FRMD4B: variants seen among roughly 807,000 people sequenced by gnomAD.
FRMD4B encodes FERM domain containing 4B, also known as FERM domain-containing protein 4B.
A neutral mutation model predicts 141.5 loss-of-function variants in FRMD4B; 74 were observed. That is an observed-to-expected ratio of 0.52 (90% CI 0.43 to 0.63). The LOEUF is 0.63. Among genes scored for constraint, FRMD4B ranks in the 30% least tolerant of loss-of-function variants. The probability of loss-of-function intolerance (pLI) is 0.00; values close to 1 mark genes in which losing one functional copy is unlikely to be tolerated. For missense variants in FRMD4B, 1,366 were observed against 1,253.4 expected (o/e 1.09, Z -1.36); for synonymous variants, 506 against 467.9 (o/e 1.08, Z -1.05).
At chr3:69,375,982 C>A (rs989939804) in intron 1 of FRMD4B, among the ~76,000 whole-genome samples, 13 of 152,130 alleles carry the variant, frequency 8.5e-5, no homozygotes, top group African/African-American at 3.1e-4. Flanking sequence ...TATATTCATG[C>A]AATGGGATAT....
intron 1 of FRMD4B, among the ~76,000 whole-genome samples, chr3:69,358,973 G>T (rs762443967): frequency 3.9e-5 from 6 of 152,102 alleles, no homozygotes; most frequent in Non-Finnish European, 5.9e-5. Context: ...CCAGCCTCCA[G>T]AACCATGAGC....
In FRMD4B at chr3:69,352,751, A is replaced by G. The variant is rs558546907; in HGVS notation, c.162+33077T>C. 4.6e-5 allele frequency among the ~76,000 whole-genome samples: 7 copies of G among 152,322 alleles called. No homozygotes were observed. In the South Asian group the frequency reaches 1.4e-3, roughly 32 times the overall value. On this transcript the variant is annotated intron_variant, in intron 1 of 22. Transcript: ENST00000398540. ...ATTGGAAGCCGTCCCCAAAAATGGC[A>G]TTTCCGAGGTTTCTATCTTGAACTG... is the stretch of plus-strand genomic sequence containing the variant.
chr3:69,494,337 A>G (rs1236022961), intron 1 of FRMD4B, among the ~76,000 whole-genome samples: 2 of 152,250 alleles, frequency 1.3e-5, no homozygotes, highest in African/African-American at 4.8e-5. Context: ...CTCTGCAAGG[A>G]AATTCAGTAA....
intron 1 of FRMD4B, among the ~76,000 whole-genome samples, chr3:69,456,254 G>GA (rs916529674): frequency 6.6e-5 from 10 of 151,668 alleles, no homozygotes; most frequent in African/African-American, 1.2e-4. Context: ...CACAAAGTAA[G>GA]AAAAAAAACG....
chr3:69,345,288 T>A lies in FRMD4B; in HGVS notation c.163-31771A>T, dbSNP rs6769290. 1.8e-3 allele frequency among the ~76,000 whole-genome samples: 272 copies of A among 152,298 alleles called. 2 individuals carry two copies. Among genetic ancestry groups the A allele is most frequent in the African/African-American group, 6.1e-3 (255 of 41,566 alleles). ...CTGCAAGGAGGCAGTGAGGCTGGGG[T>A]AGGGGTACCCGCCATTGCTGAGGCT... On this transcript the variant is annotated intron_variant, in intron 1 of 22. Transcript: ENST00000398540.
intron 7 of FRMD4B, among the ~76,000 whole-genome samples, chr3:69,240,989 A>G (rs572636041): frequency 6.6e-6 from 1 of 152,330 alleles, no homozygotes; most frequent in South Asian, 2.1e-4. Flanking sequence ...GAGGCCAAGT[A>G]TGCTGAGTTT....
In FRMD4B at chr3:69,428,698, CA is replaced by C. The variant is rs944794046; in HGVS notation, c.-1+3935del. On this transcript the variant is annotated intron_variant, in intron 2 of 5. Coordinates refer to the FRMD4B transcript ENST00000459638. ...AAACACTGTGGTAAAGTAGATAAAA[CA>C]AAAATTCATCATTTAAACCATTTTT... is the stretch of plus-strand genomic sequence containing the variant. 2.0e-5 allele frequency among the ~76,000 whole-genome samples: 3 copies of C among 151,978 alleles called. No individual in the cohort carries two copies. The South Asian group carries it at 6.2e-4, about 32-fold the overall frequency.
At chr3:69,456,733 TAAAAA>T (rs60484143) in intron 1 of FRMD4B, among the ~76,000 whole-genome samples, 5 of 129,156 alleles carry the variant, frequency 3.9e-5, no homozygotes, top group Admixed American at 7.9e-5. Context: ...TCCATTTTTG[TAAAAA>T]AAAAAAAAAA....
At chr3:69,241,903 AC>A (rs1463288643) in intron 7 of FRMD4B, among the ~76,000 whole-genome samples, 2 of 151,558 alleles carry the variant, frequency 1.3e-5, no homozygotes, top group African/African-American at 4.9e-5. Context: ...AAACAAAAAA[AC>A]CCCCAAAAAA....
chr3:69,268,950 T>C (rs1171614019), intron 5 of FRMD4B, among the ~76,000 whole-genome samples: 1 of 149,896 alleles, frequency 6.7e-6, no homozygotes, highest in Non-Finnish European at 1.5e-5. Context: ...TTTTTTGAGA[T>C]GAAATTTCGC....
intron 7 of FRMD4B, among the ~76,000 whole-genome samples, chr3:69,244,701 C>CTGGACAACAT (rs2093411031): frequency 6.6e-6 from 1 of 152,006 alleles, no homozygotes; most frequent in African/African-American, 2.4e-5. Context: ...TGAGACCAGC[C>CTGGACAACAT]TGGACAACAT....
chr3:69,349,009 T>C (rs1703043096), intron 1 of FRMD4B, among the ~76,000 whole-genome samples: 1 of 152,108 alleles, frequency 6.6e-6, no homozygotes, highest in South Asian at 2.1e-4. Context: ...AAGGTATTCA[T>C]TTAGGAAAAG....
At chr3:69,234,807 T>G (rs896505604) in intron 7 of FRMD4B, among the ~76,000 whole-genome samples, 1 of 152,172 alleles carries the variant, frequency 6.6e-6, no homozygotes, top group Non-Finnish European at 1.5e-5. Flanking sequence ...GCAATCTGCT[T>G]TTAACTAAGG....
intron 2 of FRMD4B, among the ~76,000 whole-genome samples, chr3:69,414,188 A>G (rs1446442970): frequency 6.6e-6 from 1 of 152,174 alleles, no homozygotes; most frequent in Admixed American, 6.5e-5. Context: ...CTGCCTGAAT[A>G]AAATCATAAG....
intron 2 of FRMD4B, among the ~76,000 whole-genome samples, chr3:69,404,414 T>C (rs1421131517): frequency 2.6e-5 from 4 of 152,220 alleles, no homozygotes; most frequent in African/African-American, 7.2e-5. Context: ...TGAGATGTGA[T>C]TATTAGAGTT....
chr3:69,398,812 G>T (rs1362602147), intron 2 of FRMD4B, among the ~76,000 whole-genome samples: 1 of 152,140 alleles, frequency 6.6e-6, no homozygotes, highest in Non-Finnish European at 1.5e-5. Flanking sequence ...TAGCCATTCT[G>T]CCCTTTTCCC....
At chr3:69,346,774 C>T (rs1041763493) in intron 1 of FRMD4B, among the ~76,000 whole-genome samples, 5 of 152,108 alleles carry the variant, frequency 3.3e-5, no homozygotes, top group Non-Finnish European at 5.9e-5. Flanking sequence ...TACAGACAAG[C>T]AAATGCTGAG....
At chr3:69,365,994 G>A (rs1164743951) in intron 1 of FRMD4B, among the ~76,000 whole-genome samples, 2 of 151,622 alleles carry the variant, frequency 1.3e-5, no homozygotes, top group Non-Finnish European at 2.9e-5. Flanking sequence ...TGAGGAGGGG[G>A]CAGATCATTT....
At chr3:69,257,580 G>A (rs1031233378) in intron 5 of FRMD4B, among the ~76,000 whole-genome samples, 1 of 152,040 alleles carries the variant, frequency 6.6e-6, no homozygotes, top group African/African-American at 2.4e-5. Context: ...AATCTTGGCA[G>A]CATCTAGTTA....
Sources: gnomAD v4.1 joint callset for allele counts (sites outside exome capture counted in the v4.1 genomes callset) on GRCh38, gnomAD v4.1.1 for gene constraint, MANE v1.5 for transcripts, NCBI Gene and HGNC (gene_info 2026-07-23, HGNC 2026-07-21) for gene names.